Variants in SNX25 observed in about 807,000 individuals in gnomAD.
The protein encoded by SNX25 is sorting nexin 25.
A neutral mutation model predicts 113.7 loss-of-function variants in SNX25; 62 were observed. That is an observed-to-expected ratio of 0.55 (90% CI 0.44 to 0.67). SNX25 has a LOEUF of 0.67. Among genes scored for constraint, SNX25 ranks in the 30% least tolerant of loss-of-function variants. The pLI is 0.00. For synonymous variants in SNX25, 421 were observed against 436.2 expected (o/e 0.97, Z 0.43); for missense variants, 1,014 against 1,161.0 (o/e 0.87, Z 1.84).
At chr4:185,277,524 A>G (rs545021773) in intron 5 of SNX25, among the ~76,000 whole-genome samples, 1 of 152,250 alleles carries the variant, frequency 6.6e-6, no homozygotes, top group South Asian at 2.1e-4. Context: ...TACTCCCGCC[A>G]TGGCCGATTT....
At chr4:185,377,243 C>T in the SNX25 span, 7 of 466,332 alleles carry the variant, frequency 1.5e-5, no homozygotes, top group East Asian at 3.6e-5. Flanking sequence ...ACTGGCCGGG[C>T]GCGGTGGCTC....
At chr4:185,327,789 C>A (rs1351335619) in intron 9 of SNX25, among the ~76,000 whole-genome samples, 1 of 152,158 alleles carries the variant, frequency 6.6e-6, no homozygotes, top group East Asian at 1.9e-4. Context: ...CTTTATTAAA[C>A]CAATATTAAT....
At chr4:185,318,440 C>T (rs895542987) in intron 7 of SNX25, among the ~76,000 whole-genome samples, 1 of 152,054 alleles carries the variant, frequency 6.6e-6, no homozygotes, top group Non-Finnish European at 1.5e-5. Flanking sequence ...TTTTTCTTTT[C>T]CTGTGAGTAT....
intron 6 of SNX25, among the ~76,000 whole-genome samples, chr4:185,294,571 G>C (rs961149798): frequency 6.6e-6 from 1 of 152,172 alleles, no homozygotes; most frequent in African/African-American, 2.4e-5. Context: ...GCTGTGGAGA[G>C]AGAATAACCT....
chr4:185,254,656 TA>T (rs1427363431), intron 2 of SNX25, among the ~76,000 whole-genome samples: 5 of 152,354 alleles, frequency 3.3e-5, no homozygotes, highest in African/African-American at 1.2e-4. Flanking sequence ...AGTTTTTCTC[TA>T]CTTTGTTACC....
chr4:185,295,318 A>T lies in SNX25; in HGVS notation c.1162+7236A>T, dbSNP rs191270035. ...GAAACTGAAGAAGTTTAAAAGAAGA[A>T]TGAACAGATGGACGATCCTAGGAAC... On this transcript the variant is annotated intron_variant, in intron 6 of 18. Coordinates refer to ENST00000652585, the MANE Select transcript of SNX25 (RefSeq NM_001378034.2). Among the ~76,000 whole-genome samples, 175 of 152,330 alleles carry T rather than the reference A, an allele frequency of 1.1e-3. 2 individuals carry two copies. The highest frequency in any genetic ancestry group is 1.5e-3 in the Non-Finnish European group (102 of 68,026).
chr4:185,206,968 A>G (rs558180949), upstream of SNX25, among the ~76,000 whole-genome samples: 11 of 152,232 alleles, frequency 7.2e-5, no homozygotes, highest in South Asian at 2.1e-3. Context: ...CAGAGCCTGG[A>G]GTTCTGATGT....
At chr4:185,229,893 A>G (rs1307754800) in intron 1 of SNX25, among the ~76,000 whole-genome samples, 5 of 152,174 alleles carry the variant, frequency 3.3e-5, no homozygotes, top group Non-Finnish European at 7.3e-5. Context: ...CAGTGATGCA[A>G]TCATGGCTCT....
chr4:185,274,197 A>G (rs1749335198), intron 5 of SNX25, among the ~76,000 whole-genome samples: 1 of 151,856 alleles, frequency 6.6e-6, no homozygotes, highest in Non-Finnish European at 1.5e-5. Flanking sequence ...AGTAGCTGGG[A>G]CTACAGGTGC....
At chr4:185,208,275 G>T (rs1174556206), upstream of SNX25, among the ~76,000 whole-genome samples, 1 of 151,816 alleles carries the variant, frequency 6.6e-6, no homozygotes. Flanking sequence ...CTCAGCCTCC[G>T]AAAGTGTAGG....
intron 1 of SNX25, among the ~76,000 whole-genome samples, chr4:185,239,227 A>G (rs978432609): frequency 1.5e-4 from 22 of 150,310 alleles, no homozygotes; most frequent in African/African-American, 5.2e-4. Flanking sequence ...CACACCTGTA[A>G]TCCCAGCACT....
chr4:185,239,505 T>A (rs1743296561), intron 1 of SNX25, among the ~76,000 whole-genome samples: 1 of 152,132 alleles, frequency 6.6e-6, no homozygotes, highest in South Asian at 2.1e-4. Context: ...ATAAAAGCTT[T>A]CAAGTTTTGC....
chr4:185,274,531 G>T (rs191406526), intron 5 of SNX25, among the ~76,000 whole-genome samples: 53 of 152,312 alleles, frequency 3.5e-4, no homozygotes, highest in African/African-American at 1.2e-3. Flanking sequence ...ATGGATATGG[G>T]ATATGCAAGC....
At chr4:185,354,531 G>A (rs902245172) in intron 15 of SNX25, among the ~76,000 whole-genome samples, 1 of 152,176 alleles carries the variant, frequency 6.6e-6, no homozygotes, top group Non-Finnish European at 1.5e-5. Context: ...CGGCAGAGTT[G>A]TCCTGCCCCC....
At chr4:185,343,830 T>C (rs1005289094) in intron 12 of SNX25, among the ~76,000 whole-genome samples, 2 of 152,154 alleles carry the variant, frequency 1.3e-5, no homozygotes, top group Non-Finnish European at 2.9e-5. Context: ...AAAGAAGCCA[T>C]CATAATAATA....
At position 185,362,075 on chromosome 4, in the gene SNX25, G is replaced by C; in HGVS notation, c.2803G>C (p.Ala935Pro). ...KEQSQETKQRAQQKLLENIPD... is the reference protein window; with the variant it reads ...KEQSQETKQRPQQKLLENIPD... ...GCAAAGTCAGGAAACAAAACAGAGA[G>C]CACAGCAAAAGCTGCTTGAAAACAT... The change falls in exon 17 of 19, where the codon GCA becomes CCA. Residue 935 changes from alanine (A) to proline (P), a missense_variant. Coordinates refer to ENST00000652585, the MANE Select transcript of SNX25 (RefSeq NM_001378034.2). 6.2e-7 allele frequency: 1 copy of C among 1,613,768 alleles called. No individual in the cohort carries two copies. The highest frequency in any genetic ancestry group is 1.7e-5 in the Admixed American group (1 of 60,002).
chr4:185,329,406 C>T (rs893495032), intron 9 of SNX25, among the ~76,000 whole-genome samples: 3 of 152,004 alleles, frequency 2.0e-5, no homozygotes, highest in African/African-American at 7.2e-5. Flanking sequence ...GTTTTTGTTC[C>T]AGGCATCCCC....
intron 6 of SNX25, among the ~76,000 whole-genome samples, chr4:185,289,288 C>T (rs991213028): frequency 2.0e-5 from 3 of 152,168 alleles, no homozygotes; most frequent in African/African-American, 7.2e-5. Context: ...TGTGTTATTT[C>T]AGGTGGTCAC....
intron 1 of SNX25, among the ~76,000 whole-genome samples, chr4:185,243,955 T>C (rs1287371918): frequency 1.3e-5 from 2 of 152,242 alleles, no homozygotes; most frequent in Non-Finnish European, 2.9e-5. Flanking sequence ...ACCCAGCCCT[T>C]ACAGGCAGTT....
Sources: gnomAD v4.1 joint callset for allele counts (sites outside exome capture counted in the v4.1 genomes callset) on GRCh38, gnomAD v4.1.1 for gene constraint, MANE v1.5 for transcripts, NCBI Gene and HGNC (gene_info 2026-07-23, HGNC 2026-07-21) for gene names.